KRT6C: variants seen among roughly 807,000 people sequenced by gnomAD.
KRT6C encodes the protein keratin, type II cytoskeletal 6C.
Under a neutral mutation model 49.4 loss-of-function variants are expected in KRT6C, and 46 were observed. The ratio of observed to expected loss-of-function variants is 0.93; its 90% CI spans 0.74 to 1.19. The LOEUF is 1.19. Among genes scored for constraint, KRT6C ranks in the 50% most tolerant of loss-of-function variants. The pLI, the probability that KRT6C is intolerant of heterozygous loss-of-function variation, is 0.00. For synonymous variants in KRT6C, 236 were observed against 297.1 expected (o/e 0.79, Z 2.12); for missense variants, 552 against 737.5 (o/e 0.75, Z 2.91).
At position 52,469,887 on chromosome 12, in the gene KRT6C, C is replaced by A. The variant is rs1272742761; in HGVS notation, c.1207G>T (p.Ala403Ser). Residue 403 changes from alanine (A) to serine (S), a missense_variant, in exon 7 of 9, where the codon GCC becomes TCC. Physicochemically the swap from Ala to Ser is moderately conservative, Grantham distance 99 (BLOSUM62 1). Transcript: ENST00000252250. ...SEIDHVKKQC[A>S]SLQAAIADAE... ...TCAGCAATGGCAGCCTGCAGGCTGG[C>A]ACACTAGGAGGGGAAAGGAAGAGAA... 6.2e-7 allele frequency: 1 copy of A among 1,613,968 alleles called. No homozygotes were observed. The highest frequency in any genetic ancestry group is 1.1e-5 in the South Asian group (1 of 91,082).
rs538879158 is a variant in KRT6C, at chr12:52,471,983, T to G, written c.755+83A>C. Reference sequence around the variant, plus strand: ...TTTGTGCTTTTCATTTCCATGGACATGGGTTGTTAGGAATCCTACACACAT... The same window carrying G: ...TTTGTGCTTTTCATTTCCATGGACAGGGGTTGTTAGGAATCCTACACACAT... On this transcript the variant is annotated intron_variant, in intron 2 of 8. Coordinates refer to ENST00000252250, the MANE Select transcript of KRT6C (RefSeq NM_173086.5). The G allele has an allele frequency of 1.1e-5, 14 of 1,290,556 alleles. No individual in the cohort carries two copies. In the African/African-American group the frequency reaches 1.8e-4, roughly 17 times the overall value. 79.9% of individuals were successfully genotyped at this position (1,290,556 alleles called of 1,614,324 possible). A position where few individuals can be genotyped will look rare whatever the true frequency, so the allele number is the denominator to read the frequency against.
In KRT6C at chr12:52,469,730, T is replaced by C. The variant is rs1937839700; in HGVS notation, c.1364A>G (p.Lys455Arg). Residue 455 changes from lysine to arginine, a missense_variant, in exon 7 of 9, where the codon AAG (lysine) becomes AGG (arginine). Physicochemically the swap from Lys to Arg is conservative, Grantham distance 26. Coordinates refer to ENST00000252250, the MANE Select transcript of KRT6C (RefSeq NM_173086.5). Reference protein sequence around the residue: ...LKEYQELMNVKLALDVEIATY... With the variant: ...LKEYQELMNVRLALDVEIATY... ...GGCGATCTCCACATCCAGGGCCAGCTTGACATTCATCAGCTCCTGGTACTC... is the reference window on the plus strand; with the variant it reads ...GGCGATCTCCACATCCAGGGCCAGCCTGACATTCATCAGCTCCTGGTACTC... 6 of 1,614,156 alleles carry C rather than the reference T, an allele frequency of 3.7e-6. No individual in the cohort carries two copies. Among genetic ancestry groups the C allele is most frequent in the Non-Finnish European group, 5.1e-6 (6 of 1,180,010 alleles).
chr12:52,473,688 C>T lies in KRT6C; in HGVS notation c.50G>A (p.Gly17Asp), dbSNP rs755276539. 6.2e-6 allele frequency: 10 copies of T among 1,613,422 alleles called. No homozygotes were observed. Among genetic ancestry groups the T allele is most frequent in the African/African-American group, 2.7e-5 (2 of 74,808 alleles). ...GAGCCTGGCTGAGTTGGCACTGAAA[C>T]CCCGGCGGCTGCTGCTGTGGCTCCT... is the stretch of plus-strand genomic sequence containing the variant. ...TIRSHSSSRR[G>D]FSANSARLPG... The change falls in exon 1 of 9, where the codon GGT becomes GAT. Residue 17 changes from glycine (G) to aspartate (D), a missense_variant. By Grantham distance (94) the Gly-to-Asp change is moderately conservative. Around this residue, in one of 3 missense-constraint regions of KRT6C, gnomAD observed 73 missense variants for 102.1 expected, o/e 0.71. Transcript: ENST00000252250.
chr12:52,471,954 C>T (rs1937893341), intron 2 of KRT6C, 112 bp downstream of exon 2: 1 of 1,165,714 alleles, frequency 8.6e-7, no homozygotes, highest in Non-Finnish European at 1.3e-6. Flanking sequence ...CTCCTAGGGA[C>T]TAATTTGTGC....
Position 52,469,256 on chromosome 12 carries a change from T to A in KRT6C, c.1501A>T (p.Ser501Cys). The change falls in exon 9 of 9, where the codon AGC (serine) becomes TGC (cysteine). Residue 501 changes from serine to cysteine, a missense_variant. By Grantham distance (112) the Ser-to-Cys change is moderately radical (BLOSUM62 -1). Around this residue, in one of 3 missense-constraint regions of KRT6C, gnomAD observed 425 missense variants for 439.4 expected, o/e 0.97. Transcript: ENST00000252250. The stretch of plus-strand genomic sequence containing the variant: ...AGGCCTAAGCCACTGCCGACACCGC[T>A]GGCACCGCCATAGCCACTGGAGATG... ...STISSGYGGASGVGSGLGLGG... is the reference protein window; with the variant it reads ...STISSGYGGACGVGSGLGLGG... 1 of 1,613,630 alleles carries A rather than the reference T, an allele frequency of 6.2e-7. No individual in the cohort carries two copies. The highest frequency in any genetic ancestry group is 8.5e-7 in the Non-Finnish European group (1 of 1,179,662).
chr12:52,471,109 G>T (rs1475709178), intron 5 of KRT6C, 23 bp downstream of exon 5: 15 of 1,614,066 alleles, frequency 9.3e-6, no homozygotes, highest in Non-Finnish European at 1.3e-5. Flanking sequence ...GGATTCCTCA[G>T]CAGCTGCCCA....
chr12:52,470,025 C>T, intron 6 of KRT6C, 135 bp from the exon 7 acceptor site: 3 of 1,053,250 alleles, frequency 2.8e-6, no homozygotes, highest in Non-Finnish European at 4.3e-6. Context: ...CAGTATTTCT[C>T]CATTTGGCAA....
intron 2 of KRT6C, 124 bp from the exon 3 acceptor site, chr12:52,471,856 C>G: frequency 7.1e-7 from 1 of 1,404,048 alleles, no homozygotes; most frequent in African/African-American, 1.4e-5. Context: ...CCACAGAGAG[C>G]CAAAGAGATG....
intron 6 of KRT6C, chr12:52,470,173 T>C: frequency 1.7e-6 from 1 of 602,942 alleles, no homozygotes; most frequent in East Asian, 2.9e-5. Flanking sequence ...GAATGCTCGG[T>C]TTGTACTGAG....
rs1937858066 is a variant in KRT6C at position 52,470,533 on chromosome 12, C to T, written c.1175G>A (p.Arg392Lys). The part of the protein sequence containing the change: ...AEINRMIQRL[R>K]SEIDHVKKQC... ...CTTCTTGACATGGTCGATCTCAGAT[C>T]TCAGCCTCTGGATCATGCGGTTGAT... The change falls in exon 6 of 9, where the codon AGA becomes AAA. Residue 392 changes from arginine to lysine, a missense_variant. Around this residue, in one of 3 missense-constraint regions of KRT6C, gnomAD observed 425 missense variants for 439.4 expected, o/e 0.97. Transcript: ENST00000252250. The T allele has an allele frequency of 6.2e-7, 1 of 1,614,026 alleles. No homozygotes were observed. Among genetic ancestry groups the T allele is most frequent in the East Asian group, 2.2e-5 (1 of 44,884 alleles).
chr12:52,473,389 C>A lies in KRT6C; in HGVS notation c.349G>T (p.Gly117Cys). Residue 117 changes from glycine to cysteine, a missense_variant, in exon 1 of 9, where the codon GGC (glycine) becomes TGC (cysteine). Gly to Cys is a radical substitution (Grantham distance 159, BLOSUM62 -3). Around this residue, in one of 3 missense-constraint regions of KRT6C, gnomAD observed 54 missense variants for 195.9 expected, o/e 0.28. Transcript: ENST00000252250. ...GGGCCCCCAAAGCCACCAGCAAGGC[C>A]GGCTCCACCACCCAGACCAAAGCCA... ...GIGFGLGGGAGLAGGFGGPGF... is the reference protein window; with the variant it reads ...GIGFGLGGGACLAGGFGGPGF... 1 of 1,354,694 alleles carries A rather than the reference C, an allele frequency of 7.4e-7. No homozygotes were observed. The highest frequency in any genetic ancestry group is 1.0e-6 in the Non-Finnish European group (1 of 980,770). The allele number at this position is 1,354,694 out of a possible 1,614,324, so 83.9% of individuals were successfully genotyped here. A position where few individuals can be genotyped will look rare whatever the true frequency, so the allele number is the denominator to read the frequency against.
Position 52,471,137 on chromosome 12 carries a change from T to A in KRT6C, c.1072A>T (p.Thr358Ser). ...GCTGCCCACTCCCTGCTCACCTTGG[T>A]CTGGTACCAGGACTCAGCCTCAGCC... Reference protein sequence around the residue: ...SRAEAESWYQTKYEELQVTAG... With the variant: ...SRAEAESWYQSKYEELQVTAG... Residue 358 changes from threonine (T) to serine (S), a missense_variant, in exon 5 of 9, where the codon ACC (threonine) becomes TCC (serine). Coordinates refer to ENST00000252250, the MANE Select transcript of KRT6C (RefSeq NM_173086.5). The A allele has an allele frequency of 1.2e-6, 2 of 1,614,192 alleles. No individual in the cohort carries two copies. The highest frequency in any genetic ancestry group is 2.7e-5 in the African/African-American group (2 of 75,058).
At chr12:52,470,078 C>A in intron 6 of KRT6C, 188 bp from the exon 7 acceptor site, 1 of 733,750 alleles carries the variant, frequency 1.4e-6, no homozygotes, top group African/African-American at 1.7e-5. Context: ...TCCTATGCCC[C>A]TTGTATTAAG....
intron 6 of KRT6C, 24 bp from the exon 7 acceptor site, chr12:52,469,914 G>T: frequency 6.2e-7 from 1 of 1,613,704 alleles, no homozygotes; most frequent in Non-Finnish European, 8.5e-7. Context: ...GGAAGAGAAG[G>T]AACTTCTTGT....
chr12:52,470,444 T>C (rs897982509), intron 6 of KRT6C, 61 bp downstream of exon 6: 20 of 1,613,662 alleles, frequency 1.2e-5, no homozygotes, highest in African/African-American at 2.7e-5. Context: ...TAATGGCTAA[T>C]GACTGCCTGA....
Position 52,469,996 on chromosome 12 carries a change from A to T in KRT6C, c.1204-106T>A, listed in dbSNP as rs1937845860. On this transcript the variant is annotated intron_variant, in intron 6 of 8. Transcript: ENST00000252250. ...TGTAACCCAAAATTGACAGAGAATG[A>T]GCTTTGACTCTTCCTGTCCAGTATT... 5 of 1,236,068 alleles carry T rather than the reference A, an allele frequency of 4.0e-6. No homozygotes were observed. The Admixed American group carries it at 9.7e-5, about 24-fold the overall frequency. The allele number at this position is 1,236,068 out of a possible 1,614,324, so 76.6% of individuals were successfully genotyped here. A position where few individuals can be genotyped will look rare whatever the true frequency, so the allele number is the denominator to read the frequency against.
chr12:52,471,821 A>G (rs1215647178), intron 2 of KRT6C, 89 bp from the exon 3 acceptor site: 1 of 1,445,440 alleles, frequency 6.9e-7, no homozygotes, highest in African/African-American at 1.4e-5. Flanking sequence ...TCCTGAATGG[A>G]ATATATTCTA....
chr12:52,469,899 G>T lies in KRT6C; in HGVS notation c.1204-9C>A. On this transcript the variant is annotated splice_polypyrimidine_tract_variant and intron_variant, in intron 6 of 8. Coordinates refer to ENST00000252250, the MANE Select transcript of KRT6C (RefSeq NM_173086.5). Reference sequence around the variant, plus strand: ...GCCTGCAGGCTGGCACACTAGGAGGGGAAAGGAAGAGAAGGAACTTCTTGT... The same window carrying T: ...GCCTGCAGGCTGGCACACTAGGAGGTGAAAGGAAGAGAAGGAACTTCTTGT... 6.2e-7 allele frequency: 1 copy of T among 1,614,022 alleles called. No homozygotes were observed. Among genetic ancestry groups the T allele is most frequent in the South Asian group, 1.1e-5 (1 of 91,070 alleles).
At position 52,469,667 on chromosome 12, in the gene KRT6C, T is replaced by C. The variant is rs746122131; in HGVS notation, c.1424+3A>G. 1.4e-4 allele frequency: 225 copies of C among 1,613,998 alleles called. 4 individuals carry two copies. The South Asian group carries it at 2.2e-3, about 16-fold the overall frequency. ...GTTGGAGGAAGTCGCGTCAGTTACC[T>C]ACCTGCACTCCTCGCCCTCCAGCAG... On this transcript the variant is annotated splice_donor_region_variant and intron_variant, in intron 7 of 8. Transcript: ENST00000252250.
Sources: gnomAD v4.1 joint callset for allele counts on GRCh38, gnomAD v4.1.1 for gene constraint, gnomAD v4.1.1 regional missense constraint, MANE v1.5 for transcripts, NCBI Gene and HGNC (gene_info 2026-07-23, HGNC 2026-07-21) for gene names.